Variants in UBR4 observed in about 807,000 individuals in gnomAD.
The protein encoded by UBR4 is E3 ubiquitin-protein ligase UBR4.
A neutral mutation model predicts 575.6 loss-of-function variants in UBR4; 124 were observed. The ratio of observed to expected loss-of-function variants is 0.22; its 90% confidence interval spans 0.19 to 0.25. The LOEUF is 0.25. Ranked by LOEUF, UBR4 falls within the 10% of genes least tolerant of loss-of-function variation. UBR4 has a pLI of 1.00. For synonymous variants in UBR4, 2,455 were observed against 2,473.7 expected (o/e 0.99, Z 0.22); for missense variants, 4,818 against 6,478.8 (o/e 0.74, Z 8.80).
chr1:19,075,012 C>T (rs1485183555), intron 105 of UBR4, 116 bp from the exon 106 acceptor site: 5 of 1,073,430 alleles, frequency 4.7e-6, no homozygotes, highest in African/African-American at 1.5e-5. Flanking sequence ...AGCTCTGGCC[C>T]GGCTGCTCAC....
chr1:19,196,079 T>C (rs1311820546), intron 8 of UBR4, among the ~76,000 whole-genome samples: 1 of 151,776 alleles, frequency 6.6e-6, no homozygotes, highest in East Asian at 1.9e-4. Context: ...TGCCTCTGCC[T>C]AGAAATAGCC....
chr1:19,164,484 A>G (rs1189919719), intron 32 of UBR4, 43 bp from the exon 33 acceptor site: 1 of 1,571,630 alleles, frequency 6.4e-7, no homozygotes, highest in South Asian at 1.1e-5. Context: ...ATCAACAGGA[A>G]TCTCATTCTG....
Position 19,139,047 on chromosome 1 carries a change from G to T in UBR4, c.8731+36C>A. 1 of 1,578,810 alleles carries T rather than the reference G, an allele frequency of 6.3e-7. No individual in the cohort carries two copies. On this transcript the variant is annotated intron_variant, in intron 59 of 105. Coordinates refer to ENST00000375254, the MANE Select transcript of UBR4 (RefSeq NM_020765.3). The surrounding 1 kb of genome is among the most constrained non-coding windows in gnomAD (Gnocchi z 4.2). Reference sequence around the variant, plus strand: ...GATTCCTGTTTTGTCCCCACCCTCTGCCCAAGGAGACAGGACCCCCGCCAT... The same window carrying T: ...GATTCCTGTTTTGTCCCCACCCTCTTCCCAAGGAGACAGGACCCCCGCCAT...
At chr1:19,196,469 A>G (rs550288632) in intron 8 of UBR4, among the ~76,000 whole-genome samples, 11 of 152,214 alleles carry the variant, frequency 7.2e-5, no homozygotes, top group Admixed American at 7.2e-4. Context: ...CATACCAGAG[A>G]TATGATATGT....
intron 54 of UBR4, 136 bp downstream of exon 54, chr1:19,144,650 T>G: frequency 7.8e-7 from 1 of 1,279,354 alleles, no homozygotes; most frequent in Non-Finnish European, 1.1e-6. Context: ...ATCTTAAAGC[T>G]TTTATTGATA....
chr1:19,144,950 A>T, intron 53 of UBR4, 43 bp from the exon 54 acceptor site: 1 of 1,609,478 alleles, frequency 6.2e-7, no homozygotes, highest in Non-Finnish European at 8.5e-7. Flanking sequence ...GGAGGAAAAA[A>T]CTCTAACTAC....
At chr1:19,082,090 T>C (rs1382978017) in intron 102 of UBR4, 5 of 361,584 alleles carry the variant, frequency 1.4e-5, no homozygotes, top group African/African-American at 6.1e-5. Context: ...TGTGGTTCCT[T>C]TCCTAGGCTC....
chr1:19,075,316 C>T, intron 105 of UBR4: 1 of 225,478 alleles, frequency 4.4e-6, no homozygotes, highest in Non-Finnish European at 9.0e-6. Flanking sequence ...GGAGCTCGAG[C>T]CCAAGGGACC....
chr1:19,162,129 G>A (rs946196566), intron 35 of UBR4, among the ~76,000 whole-genome samples: 3 of 152,096 alleles, frequency 2.0e-5, no homozygotes, highest in African/African-American at 7.2e-5. Context: ...TTTCTCTATA[G>A]GGGAGCTTCC....
intron 39 of UBR4, among the ~76,000 whole-genome samples, chr1:19,159,273 G>T (rs2086913105): frequency 6.6e-6 from 1 of 152,048 alleles, no homozygotes; most frequent in African/African-American, 2.4e-5. Context: ...AGGCCAGGAA[G>T]GCCACATCAG....
Position 19,161,991 on chromosome 1 carries a change from AAT to A in UBR4, c.4957-96_4957-95del. The A allele has an allele frequency of 1.6e-5, 23 of 1,416,948 alleles. No individual in the cohort carries two copies. The South Asian group carries it at 2.7e-4, about 17-fold the overall frequency. 87.8% of individuals were successfully genotyped at this position (1,416,948 alleles called of 1,614,324 possible). On this transcript the variant is annotated intron_variant, in intron 35 of 105. Coordinates refer to ENST00000375254, the MANE Select transcript of UBR4 (RefSeq NM_020765.3). Reference sequence around the variant, plus strand: ...TGCCTCAACGCCCTATGGCGGGGTGAATAGTTGACTCGCAAATGACCCGTGGA... The same window carrying A: ...TGCCTCAACGCCCTATGGCGGGGTGAAGTTGACTCGCAAATGACCCGTGGA...
In UBR4 at chr1:19,106,889, C is replaced by T. The variant is rs760081909; in HGVS notation, c.12183G>A (p.Lys4061=). Residue 4061 remains lysine, a synonymous_variant, in exon 82 of 106, where the codon AAG becomes AAA. Coordinates refer to ENST00000375254, the MANE Select transcript of UBR4 (RefSeq NM_020765.3). ...EIHAQAQLWL[K]RDPKASYDAW... is the part of the protein sequence containing the mutation. The stretch of plus-strand genomic sequence containing the variant: ...CATCATAGGATGCCTTGGGGTCTCT[C>T]TTGAGCCACAGTTGAGCCTGGGCAT... 1 of 1,613,740 alleles carries T rather than the reference C, an allele frequency of 6.2e-7. No homozygotes were observed. The highest frequency in any genetic ancestry group is 8.5e-7 in the Non-Finnish European group (1 of 1,179,988).
At chr1:19,128,066 C>A (rs185465634) in intron 62 of UBR4, 145 bp downstream of exon 62, 4 of 794,442 alleles carry the variant, frequency 5.0e-6, no homozygotes, top group Non-Finnish European at 8.3e-6. Flanking sequence ...GCCCTGAATA[C>A]GCTTTTGTTG....
intron 59 of UBR4, 109 bp from the exon 60 acceptor site, chr1:19,138,290 A>G: frequency 8.5e-7 from 1 of 1,178,172 alleles, no homozygotes; most frequent in Non-Finnish European, 1.1e-6. Context: ...AGCATTAGAC[A>G]ATAACTGGTA....
chr1:19,124,396 A>C, intron 65 of UBR4, 145 bp downstream of exon 65: 1 of 1,089,056 alleles, frequency 9.2e-7, no homozygotes, highest in Non-Finnish European at 1.3e-6. Context: ...AGTATGTTCC[A>C]GAAGGGCAAG....
chr1:19,163,047 T>C (rs868400894), intron 34 of UBR4, among the ~76,000 whole-genome samples: 1 of 152,198 alleles, frequency 6.6e-6, no homozygotes, highest in Non-Finnish European at 1.5e-5. Flanking sequence ...GAGGAATACC[T>C]TCAGAAATCA....
intron 1 of UBR4, among the ~76,000 whole-genome samples, chr1:19,209,476 G>T (rs1435797594): frequency 2.0e-5 from 3 of 152,220 alleles, no homozygotes; most frequent in Non-Finnish European, 2.9e-5. Context: ...ATGGGAGGCA[G>T]CAAGAGAACA....
At chr1:19,208,850 G>A (rs1201217127) in intron 1 of UBR4, among the ~76,000 whole-genome samples, 1 of 152,170 alleles carries the variant, frequency 6.6e-6, no homozygotes, top group Admixed American at 6.5e-5. Flanking sequence ...ACATGAGTAT[G>A]AGTCAGGAAA....
intron 8 of UBR4, among the ~76,000 whole-genome samples, chr1:19,196,009 C>A (rs942225390): frequency 2.0e-5 from 3 of 148,124 alleles, no homozygotes; most frequent in African/African-American, 7.7e-5. Flanking sequence ...CACACACACA[C>A]ACACACACAA....
Sources: allele counts gnomAD v4.1 joint callset (sites outside exome capture counted in the v4.1 genomes callset), GRCh38; gene constraint gnomAD v4.1.1; non-coding constraint Gnocchi (gnomAD v3.1); transcripts MANE v1.5; gene names NCBI Gene and HGNC (gene_info 2026-07-23, HGNC 2026-07-21).